OR1J2: variants seen among roughly 807,000 people sequenced by gnomAD.
The protein encoded by OR1J2 is olfactory receptor family 1 subfamily J member 2.
For synonymous variants in OR1J2, 142 were observed against 99.7 expected (o/e 1.42, Z -2.52); for missense variants, 304 against 246.1 (o/e 1.24, Z -1.57).
chr9:122,468,660 C>T, the OR1J2 span, among the ~76,000 whole-genome samples: 1 of 152,136 alleles, frequency 6.6e-6, no homozygotes, highest in Non-Finnish European at 1.5e-5. Flanking sequence ...CTGTGGATTC[C>T]CTCTCTGCCT....
the OR1J2 span, among the ~76,000 whole-genome samples, chr9:122,499,323 C>T: frequency 3.9e-5 from 6 of 152,224 alleles, no homozygotes; most frequent in African/African-American, 1.4e-4. Flanking sequence ...AGCTTTTAAT[C>T]CAGGAGAGTA....
In OR1J2 at chr9:122,510,901, A is replaced by G. The variant is rs1828619288; in HGVS notation, c.100A>G (p.Met34Val). 2.5e-6 allele frequency: 4 copies of G among 1,612,172 alleles called. No individual in the cohort carries two copies. The highest frequency in any genetic ancestry group is 3.4e-6 in the Non-Finnish European group (4 of 1,178,250). The change falls in exon 1 of 1, where the codon ATG becomes GTG. Residue 34 changes from methionine to valine, a missense_variant. By Grantham distance (21) the Met-to-Val change is conservative (BLOSUM62 1). Coordinates refer to ENST00000335302, the MANE Select transcript of OR1J2 (RefSeq NM_054107.1). Reference sequence around the variant, plus strand: ...TGTGTTCTTCACCCTGTTCCTGGGCATGTACCTGACCACGGTGCTGGGGAA... The same window carrying G: ...TGTGTTCTTCACCCTGTTCCTGGGCGTGTACCTGACCACGGTGCTGGGGAA... ...QAVFFTLFLG[M>V]YLTTVLGNLL...
chr9:122,577,723 GTATT>G, the OR1J2 span, among the ~76,000 whole-genome samples: 3 of 152,214 alleles, frequency 2.0e-5, no homozygotes, highest in African/African-American at 7.2e-5. Flanking sequence ...GAATTTGACA[GTATT>G]TATTTAAATA....
the OR1J2 span, among the ~76,000 whole-genome samples, chr9:122,488,916 A>G: frequency 6.6e-6 from 1 of 152,116 alleles, no homozygotes; most frequent in African/African-American, 2.4e-5. Flanking sequence ...CAGGTTTGTT[A>G]TATAGGTATA....
chr9:122,480,928 G>A, the OR1J2 span, among the ~76,000 whole-genome samples: 1 of 152,066 alleles, frequency 6.6e-6, no homozygotes, highest in Admixed American at 6.5e-5. Context: ...CCGAGTAGCT[G>A]GGATTACAGG....
chr9:122,552,808 G>A, the OR1J2 span, among the ~76,000 whole-genome samples: 3 of 149,982 alleles, frequency 2.0e-5, no homozygotes, highest in Admixed American at 2.0e-4. Flanking sequence ...TGGAGGAGGG[G>A]TAGGAGTTTG....
chr9:122,545,651 AG>A, the OR1J2 span, among the ~76,000 whole-genome samples: 1 of 152,136 alleles, frequency 6.6e-6, no homozygotes, highest in African/African-American at 2.4e-5. Flanking sequence ...TCTTATACTT[AG>A]TATTTTTGTG....
the OR1J2 span, among the ~76,000 whole-genome samples, chr9:122,450,637 T>C: frequency 2.0e-5 from 3 of 152,314 alleles, no homozygotes; most frequent in Middle Eastern, 6.8e-3. Context: ...TTTTGAAATC[T>C]GTAATACGTT....
chr9:122,548,801 G>GTTT, the OR1J2 span, among the ~76,000 whole-genome samples: 2 of 51,554 alleles, frequency 3.9e-5, no homozygotes, highest in Non-Finnish European at 6.3e-5. Context: ...CTTCCTGTGT[G>GTTT]TTTTGTTGTT....
the OR1J2 span, chr9:122,568,651 C>G: frequency 1.9e-6 from 1 of 533,642 alleles, no homozygotes; most frequent in Non-Finnish European, 3.3e-6. Context: ...GTCCTCCCTT[C>G]CCAAATCTAT....
chr9:122,519,879 G>T, the OR1J2 span: 1 of 1,614,152 alleles, frequency 6.2e-7, no homozygotes, highest in Non-Finnish European at 8.5e-7. Context: ...TCACCTCTCT[G>T]TGGTGTCTCT....
chr9:122,503,822 A>G, the OR1J2 span, among the ~76,000 whole-genome samples: 2 of 152,228 alleles, frequency 1.3e-5, no homozygotes, highest in African/African-American at 4.8e-5. Flanking sequence ...TATACTGCAC[A>G]ATAACTTTTT....
chr9:122,562,325 G>A, the OR1J2 span, among the ~76,000 whole-genome samples: 1 of 152,246 alleles, frequency 6.6e-6, no homozygotes, highest in African/African-American at 2.4e-5. Flanking sequence ...TAGGCAGCAG[G>A]CAGTTGCAGC....
chr9:122,451,509 A>G, the OR1J2 span, among the ~76,000 whole-genome samples: 1 of 152,132 alleles, frequency 6.6e-6, no homozygotes, highest in African/African-American at 2.4e-5. Flanking sequence ...ACAGGCTTCA[A>G]CAGAGGTGTT....
At chr9:122,575,700 GTTA>G in the OR1J2 span, among the ~76,000 whole-genome samples, 2 of 152,116 alleles carry the variant, frequency 1.3e-5, no homozygotes, top group Non-Finnish European at 2.9e-5. Context: ...GAGTAAAGTG[GTTA>G]TTATTATGAA....
the OR1J2 span, among the ~76,000 whole-genome samples, chr9:122,578,785 A>G: frequency 3.9e-5 from 6 of 152,120 alleles, no homozygotes; most frequent in African/African-American, 7.2e-5. Context: ...GAATGATACA[A>G]TGAACTTTGG....
chr9:122,519,870 C>T, the OR1J2 span: 8 of 1,614,164 alleles, frequency 5.0e-6, no homozygotes, highest in Non-Finnish European at 6.8e-6. Flanking sequence ...CTGTGGCTCT[C>T]ACCTCTCTGT....
At chr9:122,450,955 T>C in the OR1J2 span, among the ~76,000 whole-genome samples, 1 of 152,138 alleles carries the variant, frequency 6.6e-6, no homozygotes, top group East Asian at 1.9e-4. Flanking sequence ...ATCCTTAATG[T>C]AGTAACTTCT....
the OR1J2 span, among the ~76,000 whole-genome samples, chr9:122,455,759 G>A: frequency 6.6e-6 from 1 of 152,004 alleles, no homozygotes; most frequent in Non-Finnish European, 1.5e-5. Flanking sequence ...TTGGTGTCAT[G>A]TCTATGAAAC....
Sources: gnomAD v4.1 joint callset for allele counts (sites outside exome capture counted in the v4.1 genomes callset) on GRCh38, gnomAD v4.1.1 for gene constraint, MANE v1.5 for transcripts, NCBI Gene and HGNC (gene_info 2026-07-23, HGNC 2026-07-21) for gene names.